Variants in PADI2 observed in about 807,000 individuals in gnomAD.
PADI2 encodes the protein protein-arginine deiminase type-2.
A neutral mutation model predicts 81.1 loss-of-function variants in PADI2; 70 were observed. The ratio of observed to expected loss-of-function variants is 0.86; its 90% CI spans 0.71 to 1.05. PADI2 has a LOEUF of 1.05. PADI2 is among the 50% of genes least tolerant of loss of function. PADI2 has a pLI of 0.00. For missense variants in PADI2, 853 were observed against 889.9 expected, an observed-to-expected ratio of 0.96 and a Z score of 0.53; for synonymous variants, 338 against 358.0, an observed-to-expected ratio of 0.94 and a Z score of 0.63.
chr1:17,071,145 C>T (rs538739168), intron 14 of PADI2, among the ~76,000 whole-genome samples: 19 of 152,148 alleles, frequency 1.2e-4, no homozygotes, highest in Non-Finnish European at 2.1e-4. Context: ...CAAAGACAGC[C>T]TTAGTGAGTT....
intron 1 of PADI2, among the ~76,000 whole-genome samples, chr1:17,118,516 A>G (rs1257821355): frequency 6.6e-6 from 1 of 152,176 alleles, no homozygotes; most frequent in Middle Eastern, 3.4e-3. Flanking sequence ...CCCTACCTTC[A>G]GCTGTCTCGG....
intron 7 of PADI2, among the ~76,000 whole-genome samples, 159 bp downstream of exon 7, chr1:17,086,362 C>T (rs541305007): frequency 5.9e-5 from 9 of 152,300 alleles, no homozygotes; most frequent in South Asian, 2.1e-4. Flanking sequence ...CTGGCAGACA[C>T]GTGCAGGCTT....
chr1:17,087,694 G>T (rs1032775846), intron 6 of PADI2, among the ~76,000 whole-genome samples: 7 of 152,182 alleles, frequency 4.6e-5, no homozygotes, highest in Non-Finnish European at 8.8e-5. Context: ...CAGAGACAGG[G>T]TTTCATCGCC....
At chr1:17,113,374 C>G (rs575879942) in intron 1 of PADI2, among the ~76,000 whole-genome samples, 41 of 152,268 alleles carry the variant, frequency 2.7e-4, no homozygotes, top group African/African-American at 9.9e-4. Context: ...GACCTCAGCC[C>G]ATTCTTTCGA....
At chr1:17,088,005 C>T (rs1445986896) in intron 6 of PADI2, among the ~76,000 whole-genome samples, 3 of 152,158 alleles carry the variant, frequency 2.0e-5, no homozygotes, top group Admixed American at 6.5e-5. Context: ...CAAGGACCTT[C>T]GGGGAGACAG....
chr1:17,094,770 G>A (rs760515549), intron 4 of PADI2, among the ~76,000 whole-genome samples: 8 of 152,250 alleles, frequency 5.3e-5, no homozygotes, highest in Non-Finnish European at 1.0e-4. Context: ...CATGGGGATC[G>A]TGTGACTTTC....
chr1:17,087,392 A>G (rs985080437), intron 6 of PADI2, among the ~76,000 whole-genome samples: 3 of 152,198 alleles, frequency 2.0e-5, no homozygotes, highest in African/African-American at 7.2e-5. Context: ...CACTTGCAAC[A>G]ATCCAGCCCA....
At chr1:17,073,416 C>CAAAAAAAAA (rs55941211) in intron 13 of PADI2, among the ~76,000 whole-genome samples, 2 of 127,456 alleles carry the variant, frequency 1.6e-5, no homozygotes, top group Non-Finnish European at 3.3e-5. Context: ...GACTGTGTCT[C>CAAAAAAAAA]AAAAAAAAAA....
chr1:17,081,082 GC>G (rs2078340470), intron 10 of PADI2, among the ~76,000 whole-genome samples: 1 of 152,232 alleles, frequency 6.6e-6, no homozygotes, highest in Admixed American at 6.5e-5. Context: ...TTGGAACCAG[GC>G]CAGCCTGGAA....
chr1:17,116,879 G>A (rs1368147148), intron 1 of PADI2, among the ~76,000 whole-genome samples: 2 of 152,288 alleles, frequency 1.3e-5, no homozygotes, highest in Middle Eastern at 3.4e-3. Flanking sequence ...GGTAACTCGA[G>A]TCACAATAGC....
intron 1 of PADI2, among the ~76,000 whole-genome samples, chr1:17,111,111 G>A (rs1378048057): frequency 2.2e-5 from 3 of 135,446 alleles, no homozygotes; most frequent in Non-Finnish European, 3.1e-5. Flanking sequence ...TTTTTGGGAC[G>A]GAGTCTTCCT....
Position 17,104,093 on chromosome 1 carries a change from T to C in PADI2, c.276+785A>G, listed in dbSNP as rs376703018. On this transcript the variant is annotated intron_variant, in intron 2 of 15. Transcript: ENST00000375486. ...GTCAGGAGATCGACAGCATCCTGGCTAACACGGTGAAACCCCATCTCTACT... is the reference window on the plus strand; with the variant it reads ...GTCAGGAGATCGACAGCATCCTGGCCAACACGGTGAAACCCCATCTCTACT... Among the ~76,000 whole-genome samples the C allele has an allele frequency of 1.1e-3, 157 of 147,174 alleles. 1 individual carries two copies. Among genetic ancestry groups the C allele is most frequent in the African/African-American group, 3.9e-3 (154 of 39,742 alleles).
At chr1:17,095,492 G>C (rs1930882161) in intron 4 of PADI2, among the ~76,000 whole-genome samples, 1 of 152,196 alleles carries the variant, frequency 6.6e-6, no homozygotes, top group African/African-American at 2.4e-5. Context: ...GAGGGGCCGT[G>C]CATGCACCAG....
intron 8 of PADI2, among the ~76,000 whole-genome samples, chr1:17,084,150 G>A (rs1026889611): frequency 1.3e-5 from 2 of 152,224 alleles, no homozygotes; most frequent in Non-Finnish European, 2.9e-5. Context: ...ATGAAGATGG[G>A]ATGGACGTGA....
chr1:17,116,379 T>G (rs1250980753), intron 1 of PADI2, among the ~76,000 whole-genome samples: 2 of 152,158 alleles, frequency 1.3e-5, no homozygotes, highest in Non-Finnish European at 2.9e-5. Context: ...AGGGTCAGGA[T>G]GCCACTCCGT....
chr1:17,074,441 C>T (rs1473336507), intron 13 of PADI2, among the ~76,000 whole-genome samples: 1 of 151,604 alleles, frequency 6.6e-6, no homozygotes, highest in Non-Finnish European at 1.5e-5. Flanking sequence ...CACTATGTTG[C>T]CCAGATTGGT....
chr1:17,081,431 G>C (rs1037438357), intron 10 of PADI2, among the ~76,000 whole-genome samples: 2 of 152,204 alleles, frequency 1.3e-5, no homozygotes, highest in African/African-American at 4.8e-5. Flanking sequence ...TAGGACTCAA[G>C]ACCGGGTCCA....
chr1:17,090,494 G>A (rs1416075807), intron 6 of PADI2, among the ~76,000 whole-genome samples: 2 of 152,100 alleles, frequency 1.3e-5, no homozygotes, highest in East Asian at 1.9e-4. Flanking sequence ...TCATCCACAG[G>A]GGTGCCTGGA....
chr1:17,085,211 T>A (rs1040452163), intron 7 of PADI2, among the ~76,000 whole-genome samples: 1 of 152,234 alleles, frequency 6.6e-6, no homozygotes, highest in Non-Finnish European at 1.5e-5. Context: ...ATGTCCAGAC[T>A]GTTTTGTTTT....
Sources: gnomAD v4.1 joint callset for allele counts (sites outside exome capture counted in the v4.1 genomes callset) on GRCh38, gnomAD v4.1.1 for gene constraint, MANE v1.5 for transcripts, NCBI Gene and HGNC (gene_info 2026-07-23, HGNC 2026-07-21) for gene names.